Variants in HMCN2 observed in about 807,000 individuals in gnomAD.
HMCN2 encodes hemicentin-2.
HMCN2 carries 325 observed loss-of-function variants against 377.5 expected under a neutral mutation model. The ratio of observed to expected loss-of-function variants is 0.86; its 90% CI spans 0.79 to 0.94. The LOEUF is 0.94. Ranked by LOEUF, HMCN2 falls within the 40% of genes least tolerant of loss-of-function variation. The probability of loss-of-function intolerance (pLI) is 0.00; values close to 1 mark genes in which losing one functional copy is unlikely to be tolerated. For missense variants in HMCN2, 4,543 were observed against 4,725.3 expected (o/e 0.96, Z 1.13); for synonymous variants, 2,007 against 2,046.8 (o/e 0.98, Z 0.53).
chr9:130,351,289 T>C lies in HMCN2; in HGVS notation c.4431-134T>C. On this transcript the variant is annotated intron_variant, in intron 29 of 97. Transcript: ENST00000683500. This position sits in a 1 kb window ranked among gnomAD's most constrained non-coding sequence, Gnocchi z 5.4. Reference sequence around the variant, plus strand: ...GATCCATTCCTCGCTTACTGGGCCTTTGCATTGCTCCCACCTCTTGGCGCT... The same window carrying C: ...GATCCATTCCTCGCTTACTGGGCCTCTGCATTGCTCCCACCTCTTGGCGCT... 2.0e-6 allele frequency: 1 copy of C among 510,438 alleles called. No individual in the cohort carries two copies. The highest frequency in any genetic ancestry group is 2.6e-5 in the South Asian group (1 of 37,950). The allele number at this position is 510,438 out of a possible 1,614,324, so 31.6% of individuals were successfully genotyped here.
chr9:130,272,568 G>C (rs1323359663), intron 1 of HMCN2, among the ~76,000 whole-genome samples: 1 of 151,764 alleles, frequency 6.6e-6, no homozygotes, highest in East Asian at 1.9e-4. Flanking sequence ...TAAACTTTGA[G>C]ACAGGGTCTC....
At chr9:130,298,807 G>A (rs1216898904) in intron 7 of HMCN2, among the ~76,000 whole-genome samples, 2 of 152,120 alleles carry the variant, frequency 1.3e-5, no homozygotes, top group Admixed American at 1.3e-4. Flanking sequence ...GTGGTTGGAC[G>A]ACTGTGGTGT....
chr9:130,361,939 A>G lies in HMCN2; in HGVS notation c.5951-69A>G. 1 of 966,260 alleles carries G rather than the reference A, an allele frequency of 1.0e-6. No individual in the cohort carries two copies. Among genetic ancestry groups the G allele is most frequent in the South Asian group, 4.8e-5 (1 of 20,942 alleles). 59.9% of individuals were successfully genotyped at this position (966,260 alleles called of 1,614,324 possible). A position where few individuals can be genotyped will look rare whatever the true frequency, so the allele number is the denominator to read the frequency against. On this transcript the variant is annotated intron_variant, in intron 38 of 97. Coordinates refer to ENST00000683500, the MANE Select transcript of HMCN2 (RefSeq NM_001291815.2). This position sits in a 1 kb window ranked among gnomAD's most constrained non-coding sequence, Gnocchi z 4.8. ...GCTGTGTGCTCCTGCAGGGGTGCCC[A>G]GCCAGGGGCCCTGCCTGCTTTGCCC... is the stretch of plus-strand genomic sequence containing the variant.
intron 22 of HMCN2, among the ~76,000 whole-genome samples, chr9:130,333,149 A>T (rs903075454): frequency 1.3e-3 from 192 of 152,334 alleles, no homozygotes; most frequent in African/African-American, 4.5e-3. Flanking sequence ...GGACCAGGCC[A>T]GGGCCCATGC....
chr9:130,295,158 TG>T (rs1199840513), intron 5 of HMCN2, 132 bp downstream of exon 5: 18 of 268,804 alleles, frequency 6.7e-5, no homozygotes, highest in South Asian at 9.4e-5. Flanking sequence ...AAATATGGGG[TG>T]GGGGGGACAC....
intron 54 of HMCN2, among the ~76,000 whole-genome samples, chr9:130,381,375 C>T (rs77388550): frequency 6.7e-6 from 1 of 148,444 alleles, no homozygotes; most frequent in African/African-American, 2.5e-5. Flanking sequence ...TTGGATGGCT[C>T]TTTTTTTTTT....
chr9:130,405,832 C>T (rs893623888), intron 81 of HMCN2, 123 bp from the exon 82 acceptor site: 2 of 655,298 alleles, frequency 3.1e-6, no homozygotes, highest in African/African-American at 1.9e-5. Flanking sequence ...AGCTGTGTGA[C>T]CTTGGGCAAG....
intron 30 of HMCN2, among the ~76,000 whole-genome samples, chr9:130,352,437 T>C (rs1389097348): frequency 6.6e-6 from 1 of 152,226 alleles, no homozygotes; most frequent in African/African-American, 2.4e-5. Flanking sequence ...AAACGGAGCC[T>C]TTCCTTGCTG....
chr9:130,377,882 T>A, intron 53 of HMCN2, 83 bp downstream of exon 53: 1 of 946,666 alleles, frequency 1.1e-6, no homozygotes, highest in Non-Finnish European at 1.3e-6. Context: ...GCCCCCACCA[T>A]GTGTCCTGCA....
rs1427534726 is a variant in HMCN2, at chr9:130,360,629, T to C, written c.5950+25T>C. 2 of 1,256,076 alleles carry C rather than the reference T, an allele frequency of 1.6e-6. No homozygotes were observed. Among genetic ancestry groups the C allele is most frequent in the East Asian group, 1.2e-4 (2 of 17,086 alleles). The allele number at this position is 1,256,076 out of a possible 1,614,324, so 77.8% of individuals were successfully genotyped here. A position where few individuals can be genotyped will look rare whatever the true frequency, so the allele number is the denominator to read the frequency against. ...GGTGAGCTTCCCTGGGCCTACAAGG[T>C]CCCTTGTCCAAAAAGTTGTCTTTTC... is the stretch of plus-strand genomic sequence containing the variant. On this transcript the variant is annotated intron_variant, in intron 38 of 97. Transcript: ENST00000683500. The surrounding 1 kb of genome is among the most constrained non-coding windows in gnomAD (Gnocchi z 4.7).
chr9:130,310,464 C>T (rs1010370165), intron 15 of HMCN2, among the ~76,000 whole-genome samples: 1 of 144,302 alleles, frequency 6.9e-6, no homozygotes, highest in Non-Finnish European at 1.6e-5. Flanking sequence ...GCAGGAGGCT[C>T]CCAGAGAAAG....
At chr9:130,283,819 A>G (rs1835269719) in intron 1 of HMCN2, among the ~76,000 whole-genome samples, 1 of 152,174 alleles carries the variant, frequency 6.6e-6, no homozygotes. Flanking sequence ...CCACCAGATG[A>G]TGGACATCTG....
chr9:130,312,940 A>G (rs1196502186), intron 15 of HMCN2, among the ~76,000 whole-genome samples: 3 of 152,190 alleles, frequency 2.0e-5, no homozygotes, highest in Middle Eastern at 3.4e-3. Context: ...GATTATAGGC[A>G]TGAGCCACTG....
intron 5 of HMCN2, among the ~76,000 whole-genome samples, chr9:130,295,344 A>G (rs1210049248): frequency 2.0e-5 from 3 of 151,818 alleles, no homozygotes. Context: ...TACAGATGGG[A>G]AGCTGGGGTT....
chr9:130,366,623 T>G (rs1036141351), intron 43 of HMCN2, among the ~76,000 whole-genome samples: 6 of 151,928 alleles, frequency 3.9e-5, no homozygotes, highest in African/African-American at 1.5e-4. Flanking sequence ...CCAGCTAATT[T>G]TTGTATTTTT....
At position 130,327,494 on chromosome 9, in the gene HMCN2, C is replaced by T. The variant is rs1321997060; in HGVS notation, c.3359+19C>T. 2 of 152,286 alleles carry T rather than the reference C, an allele frequency of 1.3e-5. No individual in the cohort carries two copies. Among genetic ancestry groups the T allele is most frequent in the African/African-American group, 2.4e-5 (1 of 41,446 alleles). The allele number at this position is 152,286 out of a possible 1,614,324, so 9.4% of individuals were successfully genotyped here. The stretch of plus-strand genomic sequence containing the variant: ...CCAACAGGTAACCCCAGTCCCATGG[C>T]CTCAAGGGACAGAGCTTAGGGCTGG... On this transcript the variant is annotated intron_variant, in intron 22 of 97. Coordinates refer to ENST00000683500, the MANE Select transcript of HMCN2 (RefSeq NM_001291815.2).
rs1371135743 is a variant in HMCN2 at position 130,308,843 on chromosome 9, A to G, written c.2201-1069A>G. ...TTCTAGGTGAAGTCAGCCAGACACA[A>G]AAAGACAAATACTCTCTGATCCCAC... On this transcript the variant is annotated intron_variant, in intron 14 of 97. Transcript: ENST00000683500. The surrounding 1 kb of genome is among the most constrained non-coding windows in gnomAD (Gnocchi z 4.1). 1.3e-5 allele frequency among the ~76,000 whole-genome samples: 2 copies of G among 152,268 alleles called. No individual in the cohort carries two copies. The highest frequency in any genetic ancestry group is 4.8e-5 in the African/African-American group (2 of 41,480).
chr9:130,293,751 C>T (rs1554930907), intron 4 of HMCN2, among the ~76,000 whole-genome samples: 1 of 152,176 alleles, frequency 6.6e-6, no homozygotes, highest in Non-Finnish European at 1.5e-5. Flanking sequence ...ATGGGCACAG[C>T]AGAGGTTCTC....
chr9:130,270,228 G>GC lies in HMCN2; in HGVS notation c.259+4091_259+4092insC, dbSNP rs1554920593. ...AAATGTTTATGTAGAGAAATCTATT[G>GC]TTTTTTTTCTTTGTGATTTCTTCAC... On this transcript the variant is annotated intron_variant, in intron 1 of 97. Coordinates refer to ENST00000683500, the MANE Select transcript of HMCN2 (RefSeq NM_001291815.2). 7.4e-4 allele frequency among the ~76,000 whole-genome samples: 105 copies of GC among 142,328 alleles called. 9 individuals carry two copies. The highest frequency in any genetic ancestry group is 1.4e-3 in the Non-Finnish European group (91 of 63,970). The allele number at this position is 142,328 out of a possible 152,430, so 93.4% of individuals were successfully genotyped here.
Sources: gnomAD v4.1 joint callset for allele counts (sites outside exome capture counted in the v4.1 genomes callset) on GRCh38, gnomAD v4.1.1 for gene constraint, Gnocchi (gnomAD v3.1) non-coding constraint, MANE v1.5 for transcripts, NCBI Gene and HGNC (gene_info 2026-07-23, HGNC 2026-07-21) for gene names.